The following PRKCA variants were observed in gnomAD, a reference collection of about 807,000 sequenced individuals.
PRKCA encodes protein kinase C alpha type.
Under a neutral mutation model 87.0 loss-of-function variants are expected in PRKCA, and 27 were observed. The ratio of observed to expected loss-of-function variants is 0.31; its 90% CI spans 0.23 to 0.43. The LOEUF (loss-of-function observed/expected upper bound fraction) is 0.43. PRKCA is among the 20% of genes least tolerant of loss of function. The probability of loss-of-function intolerance (pLI) is 1.00; values close to 1 mark genes in which losing one functional copy is unlikely to be tolerated. For missense variants in PRKCA, 518 were observed against 852.3 expected (o/e 0.61, Z 4.88); for synonymous variants, 329 against 311.1 (o/e 1.06, Z -0.61).
chr17:66,509,163 C>CGTGTGT (rs372457121), intron 3 of PRKCA, among the ~76,000 whole-genome samples: 13 of 138,096 alleles, frequency 9.4e-5, no homozygotes, highest in Non-Finnish European at 1.9e-4. Context: ...AGAAAAGGAA[C>CGTGTGT]GTGTGTGTGT....
At chr17:66,649,406 C>G (rs1344671837) in intron 5 of PRKCA, among the ~76,000 whole-genome samples, 1 of 152,172 alleles carries the variant, frequency 6.6e-6, no homozygotes, top group South Asian at 2.1e-4. Context: ...AGGACTGGAC[C>G]TTTATGCTCA....
At chr17:66,322,401 C>A (rs1905723596) in intron 2 of PRKCA, among the ~76,000 whole-genome samples, 2 of 152,136 alleles carry the variant, frequency 1.3e-5, no homozygotes, top group African/African-American at 4.8e-5. Context: ...TAAATGGCTA[C>A]ATGTAGCTAA....
chr17:66,464,790 A>G (rs1465834277), intron 2 of PRKCA, among the ~76,000 whole-genome samples: 1 of 152,088 alleles, frequency 6.6e-6, no homozygotes, highest in Non-Finnish European at 1.5e-5. Context: ...ATTTTTTGCA[A>G]TATTTTCTCC....
chr17:66,612,206 C>A (rs1184737472), intron 3 of PRKCA, among the ~76,000 whole-genome samples: 8 of 151,568 alleles, frequency 5.3e-5, no homozygotes, highest in African/African-American at 1.9e-4. Context: ...CATGGTAAAA[C>A]CCTGTCTCTA....
At chr17:66,439,187 C>CTTT (rs139989088) in intron 2 of PRKCA, among the ~76,000 whole-genome samples, 1 of 151,180 alleles carries the variant, frequency 6.6e-6, no homozygotes, top group Non-Finnish European at 1.5e-5. Context: ...TCTTTTCTTT[C>CTTT]TTTTTTTTAT....
chr17:66,688,088 A>T (rs925127539), intron 6 of PRKCA, among the ~76,000 whole-genome samples: 1 of 152,238 alleles, frequency 6.6e-6, no homozygotes, highest in Non-Finnish European at 1.5e-5. Flanking sequence ...AACTTTATTT[A>T]TAAAAATAGA....
chr17:66,359,738 A>G (rs1908272037), intron 2 of PRKCA, among the ~76,000 whole-genome samples: 1 of 152,256 alleles, frequency 6.6e-6, no homozygotes, highest in South Asian at 2.1e-4. Context: ...CACCAAAAAT[A>G]TTTCAGAGAT....
intron 3 of PRKCA, among the ~76,000 whole-genome samples, chr17:66,564,323 C>T (rs1444754843): frequency 6.6e-6 from 1 of 152,156 alleles, no homozygotes. Flanking sequence ...AGGTGATCCA[C>T]CTGCCTCGAA....
At chr17:66,596,086 A>G (rs1969967449) in intron 3 of PRKCA, among the ~76,000 whole-genome samples, 1 of 152,164 alleles carries the variant, frequency 6.6e-6, no homozygotes, top group African/African-American at 2.4e-5. Flanking sequence ...GGAGCCGGCT[A>G]GCACGTTGTC....
chr17:66,379,014 C>T (rs1214087391), intron 2 of PRKCA, among the ~76,000 whole-genome samples: 1 of 152,094 alleles, frequency 6.6e-6, no homozygotes, highest in African/African-American at 2.4e-5. Context: ...GTACTTCACC[C>T]CTTTTTATGG....
intron 3 of PRKCA, among the ~76,000 whole-genome samples, chr17:66,500,863 G>A (rs1308080060): frequency 6.6e-6 from 1 of 152,102 alleles, no homozygotes; most frequent in African/African-American, 2.4e-5. Context: ...GCTCAGTGAG[G>A]AAGACCAGTG....
intron 3 of PRKCA, among the ~76,000 whole-genome samples, chr17:66,571,367 C>T (rs1177737506): frequency 1.3e-5 from 2 of 151,942 alleles, no homozygotes; most frequent in African/African-American, 2.4e-5. Context: ...TAATTCTTGT[C>T]GGTATATACA....
At chr17:66,625,307 A>G (rs1174207098) in intron 3 of PRKCA, among the ~76,000 whole-genome samples, 1 of 152,220 alleles carries the variant, frequency 6.6e-6, no homozygotes, top group Non-Finnish European at 1.5e-5. Flanking sequence ...ACATCTTTGG[A>G]GTAGACTTCT....
At chr17:66,771,541 ATAACAT>A (rs1283245971) in intron 13 of PRKCA, among the ~76,000 whole-genome samples, 3 of 152,244 alleles carry the variant, frequency 2.0e-5, no homozygotes, top group African/African-American at 7.2e-5. Context: ...TTATATGGAA[ATAACAT>A]TAATATTTCT....
intron 3 of PRKCA, among the ~76,000 whole-genome samples, chr17:66,594,965 C>T (rs1969928963): frequency 6.6e-6 from 1 of 152,184 alleles, no homozygotes; most frequent in African/African-American, 2.4e-5. Context: ...CATGTATTCT[C>T]TCACAGTTCA....
chr17:66,740,646 C>A (rs1436780230), intron 11 of PRKCA, among the ~76,000 whole-genome samples: 4 of 152,246 alleles, frequency 2.6e-5, no homozygotes, highest in African/African-American at 7.2e-5. Context: ...TCCTTTTCTT[C>A]TGTCTTATGT....
At chr17:66,617,831 C>A (rs1970557005) in intron 3 of PRKCA, among the ~76,000 whole-genome samples, 1 of 152,108 alleles carries the variant, frequency 6.6e-6, no homozygotes. Flanking sequence ...TCTTATGTTA[C>A]AATGAGAGAG....
At position 66,329,993 on chromosome 17, in the gene PRKCA, A is replaced by G. The variant is rs899283502; in HGVS notation, c.205+23866A>G. On this transcript the variant is annotated intron_variant, in intron 2 of 16. Coordinates refer to ENST00000413366, the MANE Select transcript of PRKCA (RefSeq NM_002737.3). ...TTTGTTCTTCCTTTTATTTTCATCCATTCAATACCTAGTCCTCACTGAGCT... is the reference window on the plus strand; with the variant it reads ...TTTGTTCTTCCTTTTATTTTCATCCGTTCAATACCTAGTCCTCACTGAGCT... 9.2e-5 allele frequency among the ~76,000 whole-genome samples: 14 copies of G among 152,126 alleles called. No homozygotes were observed. The East Asian group carries it at 2.7e-3, about 29-fold the overall frequency.
At chr17:66,447,357 G>A (rs140080052) in intron 2 of PRKCA, among the ~76,000 whole-genome samples, 41 of 152,258 alleles carry the variant, frequency 2.7e-4, no homozygotes, top group Non-Finnish European at 3.5e-4. Flanking sequence ...GATGCCAGGC[G>A]AGTTCTGAGC....
Sources: allele counts gnomAD v4.1 joint callset (sites outside exome capture counted in the v4.1 genomes callset), GRCh38; gene constraint gnomAD v4.1.1; transcripts MANE v1.5; gene names NCBI Gene and HGNC (gene_info 2026-07-23, HGNC 2026-07-21).